Variants in CAST observed in about 807,000 individuals in gnomAD.
CAST encodes the protein calpastatin.
Under a neutral mutation model 119.6 loss-of-function variants are expected in CAST, and 76 were observed. The ratio of observed to expected loss-of-function variants is 0.64; its 90% CI spans 0.53 to 0.77. The LOEUF (loss-of-function observed/expected upper bound fraction) is 0.77, where lower values mean the gene tolerates loss of function less well. CAST is among the 30% of genes least tolerant of loss of function. The probability of loss-of-function intolerance (pLI) is 0.00; values close to 1 mark genes in which losing one functional copy is unlikely to be tolerated. For synonymous variants in CAST, 319 were observed against 331.6 expected (o/e 0.96, Z 0.41); for missense variants, 953 against 946.5 (o/e 1.01, Z -0.09).
chr5:96,113,404 A>C, the CAST span, among the ~76,000 whole-genome samples: 1 of 152,378 alleles, frequency 6.6e-6, no homozygotes, highest in Non-Finnish European at 1.5e-5. Context: ...AAGATAAAGT[A>C]ACTGAATTGC....
the CAST span, among the ~76,000 whole-genome samples, chr5:96,091,757 G>T: frequency 6.6e-6 from 1 of 152,230 alleles, no homozygotes; most frequent in East Asian, 1.9e-4. Context: ...TCCTGCCTCA[G>T]CCTCCCAAAG....
At chr5:96,056,429 C>A in the CAST span, among the ~76,000 whole-genome samples, 1 of 152,138 alleles carries the variant, frequency 6.6e-6, no homozygotes, top group Non-Finnish European at 1.5e-5. Context: ...GCCCCAACTC[C>A]TGTATTTATT....
the CAST span, among the ~76,000 whole-genome samples, chr5:96,459,261 A>C: frequency 6.6e-6 from 1 of 152,140 alleles, no homozygotes; most frequent in African/African-American, 2.4e-5. Context: ...GGCAATACGA[A>C]CATGACAGAA....
the CAST span, among the ~76,000 whole-genome samples, chr5:96,107,452 G>C: frequency 6.6e-6 from 1 of 151,926 alleles, no homozygotes; most frequent in Non-Finnish European, 1.5e-5. Context: ...TTGCTTGTCT[G>C]TAAAGTATTT....
the CAST span, among the ~76,000 whole-genome samples, chr5:96,148,024 A>G: frequency 5.3e-5 from 8 of 152,340 alleles, no homozygotes; most frequent in Non-Finnish European, 7.4e-5. Flanking sequence ...GCTATTGCCT[A>G]TCTTTTGTCT....
chr5:96,481,311 G>C, the CAST span, among the ~76,000 whole-genome samples: 1 of 152,130 alleles, frequency 6.6e-6, no homozygotes, highest in Non-Finnish European at 1.5e-5. Context: ...TAGCTCTTGA[G>C]ATAAGAGCCT....
chr5:96,320,402 CA>C, the CAST span, among the ~76,000 whole-genome samples: 2 of 151,618 alleles, frequency 1.3e-5, no homozygotes, highest in Non-Finnish European at 2.9e-5. Context: ...CACACCCGGC[CA>C]ATTTTTGTAT....
intron 1 of CAST, chr5:96,584,801 A>T (rs1746828745): frequency 6.6e-6 from 1 of 152,302 alleles, no homozygotes; most frequent in African/African-American, 2.4e-5. Context: ...GTGTATGAGG[A>T]GGAGGCTTCT....
At chr5:96,762,088 G>A (rs941429832) in intron 24 of CAST, 186 bp from the exon 25 acceptor site, 1 of 419,742 alleles carries the variant, frequency 2.4e-6, no homozygotes, top group African/African-American at 2.1e-5. Context: ...ATAGCAAATT[G>A]TATAAAATAA....
chr5:96,364,811 G>A, the CAST span, among the ~76,000 whole-genome samples: 1 of 152,104 alleles, frequency 6.6e-6, no homozygotes, highest in East Asian at 1.9e-4. Flanking sequence ...GGTTTTTTGT[G>A]TCTCTGTCTC....
chr5:96,182,493 A>T, the CAST span, among the ~76,000 whole-genome samples: 1 of 152,230 alleles, frequency 6.6e-6, no homozygotes, highest in African/African-American at 2.4e-5. Flanking sequence ...AAACACCTTT[A>T]ATCGTGGAGT....
chr5:96,097,637 C>A, the CAST span, among the ~76,000 whole-genome samples: 1 of 152,140 alleles, frequency 6.6e-6, no homozygotes, highest in Non-Finnish European at 1.5e-5. Flanking sequence ...CAGCTCCATC[C>A]ATGTCCCTGC....
chr5:96,166,339 A>G, the CAST span, among the ~76,000 whole-genome samples: 1 of 152,232 alleles, frequency 6.6e-6, no homozygotes, highest in Non-Finnish European at 1.5e-5. Flanking sequence ...ATTTTTAATA[A>G]CAGAAGTATT....
At chr5:96,110,893 T>C in the CAST span, 1 of 152,228 alleles carries the variant, frequency 6.6e-6, no homozygotes, top group African/African-American at 2.4e-5. Context: ...ACAGTTTCTC[T>C]GCTCACAACA....
chr5:96,350,326 G>C, the CAST span, among the ~76,000 whole-genome samples: 1 of 152,118 alleles, frequency 6.6e-6, no homozygotes, highest in South Asian at 2.1e-4. Context: ...GAAGGAGGTA[G>C]AGGAATAGTC....
At chr5:96,080,964 G>C in the CAST span, among the ~76,000 whole-genome samples, 1 of 152,164 alleles carries the variant, frequency 6.6e-6, no homozygotes, top group Non-Finnish European at 1.5e-5. Context: ...CTTTGGTATT[G>C]TATTTTCAAT....
At chr5:96,458,889 C>T in the CAST span, among the ~76,000 whole-genome samples, 4 of 152,208 alleles carry the variant, frequency 2.6e-5, no homozygotes, top group East Asian at 3.9e-4. Flanking sequence ...TTGCCCATAA[C>T]GTGGGAGCGT....
At chr5:96,520,878 A>G (rs1745507052), upstream of CAST, among the ~76,000 whole-genome samples, 1 of 152,164 alleles carries the variant, frequency 6.6e-6, no homozygotes, top group Non-Finnish European at 1.5e-5. Flanking sequence ...TCTTATTTTT[A>G]AAGTATATTT....
At chr5:96,130,039 T>TTTTTA in the CAST span, among the ~76,000 whole-genome samples, 1 of 150,516 alleles carries the variant, frequency 6.6e-6, no homozygotes, top group African/African-American at 2.4e-5. Context: ...TTTTTTTTTT[T>TTTTTA]GAGACGGAGT....
Sources: gnomAD v4.1 joint callset for allele counts (sites outside exome capture counted in the v4.1 genomes callset) on GRCh38, gnomAD v4.1.1 for gene constraint, MANE v1.5 for transcripts, NCBI Gene and HGNC (gene_info 2026-07-23, HGNC 2026-07-21) for gene names.